The following SHISAL1 variants were observed in gnomAD, a reference collection of about 807,000 sequenced individuals.
SHISAL1 encodes shisa like 1.
A neutral mutation model predicts 22.6 loss-of-function variants in SHISAL1; 9 were observed. The ratio of observed to expected loss-of-function variants is 0.40; its 90% CI spans 0.24 to 0.70. SHISAL1 has a LOEUF of 0.70. Ranked by LOEUF, SHISAL1 falls within the 30% of genes least tolerant of loss-of-function variation. The probability of loss-of-function intolerance (pLI) is 0.39; values close to 1 mark genes in which losing one functional copy is unlikely to be tolerated. For synonymous variants in SHISAL1, 119 were observed against 115.4 expected, an observed-to-expected ratio of 1.03 and a Z score of -0.20; for missense variants, 246 against 270.6, an observed-to-expected ratio of 0.91 and a Z score of 0.64.
At chr22:44,322,388 C>T in the SHISAL1 span, among the ~76,000 whole-genome samples, 647 of 152,270 alleles carry the variant, frequency 4.2e-3, 4 homozygotes, top group African/African-American at 0.015. Context: ...CCCCCTCTAC[C>T]CCTTCCCTGA....
intron 4 of SHISAL1, among the ~76,000 whole-genome samples, chr22:44,284,373 G>A (rs1051171407): frequency 1.3e-5 from 2 of 152,026 alleles, no homozygotes; most frequent in African/African-American, 4.8e-5. Context: ...TCTCATGCCC[G>A]AAGTCAAGGA....
chr22:44,249,528 C>T lies in SHISAL1; in HGVS notation c.*157G>A, dbSNP rs1351499183. 2.7e-5 allele frequency: 17 copies of T among 621,856 alleles called. No individual in the cohort carries two copies. Among genetic ancestry groups the T allele is most frequent in the East Asian group, 1.6e-4 (6 of 36,582 alleles). The allele number at this position is 621,856 out of a possible 1,614,324, so 38.5% of individuals were successfully genotyped here. A position where few individuals can be genotyped will look rare whatever the true frequency, so the allele number is the denominator to read the frequency against. ...GAGTTTGCTCCTAATCTTAGAAGTC[C>T]GCGGAAGGGGGCTTTGGGCACAGGC... On this transcript the variant is annotated 3_prime_UTR_variant, in exon 5 of 5. Transcript: ENST00000381176.
upstream of SHISAL1, among the ~76,000 whole-genome samples, chr22:44,314,914 G>A (rs956189705): frequency 1.3e-5 from 2 of 152,200 alleles, no homozygotes; most frequent in African/African-American, 4.8e-5. Context: ...TAGAGAGAAA[G>A]TAAAGTCTCC....
At chr22:44,274,429 T>C (rs2055225779) in intron 4 of SHISAL1, among the ~76,000 whole-genome samples, 2 of 152,158 alleles carry the variant, frequency 1.3e-5, no homozygotes, top group African/African-American at 4.8e-5. Flanking sequence ...GGCATCTATC[T>C]GGAGGAAATC....
chr22:44,311,291 C>T (rs957921687), intron 1 of SHISAL1, among the ~76,000 whole-genome samples: 1 of 152,166 alleles, frequency 6.6e-6, no homozygotes, highest in African/African-American at 2.4e-5. Flanking sequence ...AAGCACACTG[C>T]CACGAAGGGT....
At chr22:44,258,918 C>G (rs975117731) in intron 4 of SHISAL1, among the ~76,000 whole-genome samples, 4 of 151,970 alleles carry the variant, frequency 2.6e-5, no homozygotes, top group African/African-American at 9.7e-5. Context: ...GGGGCAGGTA[C>G]AGTAAGGGGC....
intron 4 of SHISAL1, among the ~76,000 whole-genome samples, chr22:44,274,838 G>T (rs567819639): frequency 6.6e-6 from 1 of 152,256 alleles, no homozygotes; most frequent in South Asian, 2.1e-4. Context: ...AATAATAGTC[G>T]CAATAATAAT....
At chr22:44,270,608 C>G (rs1047095311) in intron 4 of SHISAL1, among the ~76,000 whole-genome samples, 20 of 152,216 alleles carry the variant, frequency 1.3e-4, no homozygotes, top group African/African-American at 4.8e-4. Context: ...CGCATGGAGG[C>G]TGAAGCCAGG....
At chr22:44,319,453 C>T in the SHISAL1 span, among the ~76,000 whole-genome samples, 6 of 152,344 alleles carry the variant, frequency 3.9e-5, no homozygotes, top group African/African-American at 1.2e-4. Flanking sequence ...GCTGCCACTC[C>T]CTGAAATGAA....
chr22:44,253,907 C>A (rs4080315), intron 4 of SHISAL1, among the ~76,000 whole-genome samples: 13,135 of 150,970 alleles, frequency 0.087, 914 homozygotes, highest in Admixed American at 0.18. Context: ...GTGCATACAC[C>A]AAAAGTGACT....
the SHISAL1 span, among the ~76,000 whole-genome samples, chr22:44,320,258 G>C: frequency 6.6e-6 from 1 of 152,192 alleles, no homozygotes; most frequent in Non-Finnish European, 1.5e-5. Flanking sequence ...ACAAACGTCC[G>C]ATCTTAGCCA....
At chr22:44,275,912 C>G (rs1288699105) in intron 4 of SHISAL1, among the ~76,000 whole-genome samples, 1 of 152,216 alleles carries the variant, frequency 6.6e-6, no homozygotes. Flanking sequence ...CTTCTGTGCA[C>G]AAGGCACGGG....
At chr22:44,317,281 C>G (rs181947439), upstream of SHISAL1, among the ~76,000 whole-genome samples, 11 of 152,340 alleles carry the variant, frequency 7.2e-5, no homozygotes, top group Admixed American at 2.0e-4. Context: ...GCTGCTGCAC[C>G]GACGAGCAGG....
At chr22:44,261,673 G>A (rs2055125442) in intron 4 of SHISAL1, among the ~76,000 whole-genome samples, 1 of 152,258 alleles carries the variant, frequency 6.6e-6, no homozygotes, top group Non-Finnish European at 1.5e-5. Context: ...TCATTGCACA[G>A]CCTTCTGGAA....
chr22:44,261,664 C>T (rs1411266162), intron 4 of SHISAL1, among the ~76,000 whole-genome samples: 2 of 152,260 alleles, frequency 1.3e-5, no homozygotes, highest in East Asian at 3.8e-4. Flanking sequence ...AATGCTTCCT[C>T]ATTGCACAGC....
chr22:44,259,346 G>A (rs574340967), intron 4 of SHISAL1, among the ~76,000 whole-genome samples: 1 of 152,216 alleles, frequency 6.6e-6, no homozygotes, highest in African/African-American at 2.4e-5. Flanking sequence ...GCTGAGGCAG[G>A]AGAATCACTT....
chr22:44,302,719 G>GGTA (rs1350620352), intron 1 of SHISAL1, among the ~76,000 whole-genome samples: 3 of 9,168 alleles, frequency 3.3e-4, no homozygotes, highest in Admixed American at 8.7e-4. Flanking sequence ...CCTGGGGTGG[G>GGTA]TGCGGTGAGG....
chr22:44,325,248 A>G, the SHISAL1 span, among the ~76,000 whole-genome samples: 2 of 75,348 alleles, frequency 2.7e-5, no homozygotes, highest in Admixed American at 2.2e-4. Flanking sequence ...GTCTCAAAAG[A>G]AAAAAAAAAA....
intron 4 of SHISAL1, among the ~76,000 whole-genome samples, chr22:44,280,442 C>T (rs2055268226): frequency 6.6e-6 from 1 of 152,104 alleles, no homozygotes; most frequent in African/African-American, 2.4e-5. Flanking sequence ...CAGTCCCCAG[C>T]GTGGGAGTGA....
Sources: gnomAD v4.1 joint callset for allele counts (sites outside exome capture counted in the v4.1 genomes callset) on GRCh38, gnomAD v4.1.1 for gene constraint, MANE v1.5 for transcripts, NCBI Gene and HGNC (gene_info 2026-07-23, HGNC 2026-07-21) for gene names.